The following YTHDF2 variants were observed in gnomAD, a reference collection of about 807,000 sequenced individuals.
The protein encoded by YTHDF2 is YTH N6-methyladenosine RNA binding protein F2.
In YTHDF2, 2 loss-of-function variants were observed where a neutral mutation model predicts 50.4. The observed-to-expected ratio is 0.04, with a 90% CI of 0.02 to 0.12. YTHDF2 has a LOEUF of 0.12. Ranked by LOEUF, YTHDF2 falls within the 10% of genes least tolerant of loss-of-function variation. The pLI, the probability that YTHDF2 is intolerant of heterozygous loss-of-function variation, is 1.00. For synonymous variants in YTHDF2, 217 were observed against 255.6 expected (o/e 0.85, Z 1.44); for missense variants, 483 against 722.6 (o/e 0.67, Z 3.80).
intron 4 of YTHDF2, among the ~76,000 whole-genome samples, chr1:28,755,075 A>G (rs2088017101): frequency 6.6e-6 from 1 of 152,072 alleles, no homozygotes; most frequent in Admixed American, 6.6e-5. Context: ...GGACAGTGGG[A>G]ACGGGAAACT....
chr1:28,759,110 G>A (rs1298645956), intron 4 of YTHDF2, among the ~76,000 whole-genome samples: 1 of 152,178 alleles, frequency 6.6e-6, no homozygotes, highest in East Asian at 1.9e-4. Flanking sequence ...CTTACCTACT[G>A]AATGAGCATC....
In YTHDF2 at chr1:28,736,982, T is replaced by A; in HGVS notation, c.-139T>A. On this transcript the variant is annotated 5_prime_UTR_variant, in exon 1 of 5. Transcript: ENST00000373812. ...GAGCCGGAGCCTGAGCCGCGCGCTG[T>A]GTCTCCGCTGCGTCCGCCGAGGCCC... 1 of 1,071,908 alleles carries A rather than the reference T, an allele frequency of 9.3e-7. No homozygotes were observed. The highest frequency in any genetic ancestry group is 1.5e-5 in the South Asian group (1 of 67,554). 66.4% of individuals were successfully genotyped at this position (1,071,908 alleles called of 1,614,324 possible).
chr1:28,738,179 C>A, intron 2 of YTHDF2, 80 bp from the exon 3 acceptor site: 1 of 1,141,506 alleles, frequency 8.8e-7, no homozygotes, highest in Non-Finnish European at 1.3e-6. Flanking sequence ...TAAGGTTTTT[C>A]TCTGGTTAGC....
At chr1:28,764,614 G>A (rs2088189900) in intron 4 of YTHDF2, among the ~76,000 whole-genome samples, 1 of 151,704 alleles carries the variant, frequency 6.6e-6, no homozygotes, top group Non-Finnish European at 1.5e-5. Flanking sequence ...TTGCCATGTT[G>A]GCCATGCTGG....
intron 3 of YTHDF2, among the ~76,000 whole-genome samples, chr1:28,741,140 G>A (rs532876228): frequency 2.0e-5 from 3 of 151,718 alleles, no homozygotes; most frequent in Admixed American, 6.6e-5. Flanking sequence ...TGGGATTACA[G>A]GCAGGTGCCA....
At chr1:28,756,233 T>C (rs1036105818) in intron 4 of YTHDF2, among the ~76,000 whole-genome samples, 3 of 152,070 alleles carry the variant, frequency 2.0e-5, no homozygotes, top group African/African-American at 7.2e-5. Flanking sequence ...AAATACAGAG[T>C]TGAATATGAA....
In YTHDF2 at chr1:28,743,368, G is replaced by A; in HGVS notation, c.1098G>A (p.Val366=). 6.2e-7 allele frequency: 1 copy of A among 1,614,182 alleles called. No homozygotes were observed. The highest frequency in any genetic ancestry group is 8.5e-7 in the Non-Finnish European group (1 of 1,180,042). ...NRGSGFGHNG[V]DGNGVGQSQA... is the part of the protein sequence containing the mutation. ...GCAGTGGGTTCGGTCATAATGGGGT[G>A]GATGGTAATGGAGTAGGACAGTCTC... The change falls in exon 4 of 5, where the codon GTG becomes GTA. Residue 366 remains valine, a synonymous_variant. Transcript: ENST00000373812. The surrounding 1 kb of genome is among the most constrained non-coding windows in gnomAD (Gnocchi z 6.9).
At position 28,737,976 on chromosome 1, in the gene YTHDF2, C is replaced by T. The variant is rs117649978; in HGVS notation, c.53-283C>T. On this transcript the variant is annotated intron_variant, in intron 2 of 4. Transcript: ENST00000373812. Reference sequence around the variant, plus strand: ...TTGTTTTTCATCCTCGTGGATCACTCTCTGGAAGTACTCTCATGTGATGGG... The same window carrying T: ...TTGTTTTTCATCCTCGTGGATCACTTTCTGGAAGTACTCTCATGTGATGGG... 3.4e-5 allele frequency: 20 copies of T among 580,640 alleles called. No homozygotes were observed. In the East Asian group the frequency reaches 5.7e-4, roughly 17 times the overall value. 36.0% of individuals were successfully genotyped at this position (580,640 alleles called of 1,614,324 possible). A position where few individuals can be genotyped will look rare whatever the true frequency, so the allele number is the denominator to read the frequency against.
intron 3 of YTHDF2, among the ~76,000 whole-genome samples, chr1:28,742,101 G>A (rs2087785455): frequency 6.7e-6 from 1 of 148,322 alleles, no homozygotes; most frequent in Non-Finnish European, 1.5e-5. Flanking sequence ...ACAGGCTGGA[G>A]TGCAGTGGTG....
chr1:28,749,832 A>G (rs1357956862), intron 4 of YTHDF2, among the ~76,000 whole-genome samples: 1 of 151,976 alleles, frequency 6.6e-6, no homozygotes, highest in African/African-American at 2.4e-5. Flanking sequence ...GAGAGTGAGG[A>G]GAGAGTTGAG....
chr1:28,744,490 C>T (rs1023703376), intron 4 of YTHDF2, among the ~76,000 whole-genome samples: 3 of 152,134 alleles, frequency 2.0e-5, no homozygotes, highest in Non-Finnish European at 4.4e-5. Flanking sequence ...AAAAGAGTCA[C>T]TTCTGATTTC....
intron 3 of YTHDF2, among the ~76,000 whole-genome samples, chr1:28,739,659 C>T (rs1452537359): frequency 1.3e-5 from 2 of 152,142 alleles, no homozygotes; most frequent in Non-Finnish European, 2.9e-5. Context: ...CTTTATTTCT[C>T]ACCGAAGGGA....
chr1:28,742,496 T>C lies in YTHDF2; in HGVS notation c.226T>C (p.Ser76Pro). 6.2e-7 allele frequency: 1 copy of C among 1,614,048 alleles called. No homozygotes were observed. The highest frequency in any genetic ancestry group is 8.5e-7 in the Non-Finnish European group (1 of 1,180,004). Residue 76 changes from serine to proline, a missense_variant, in exon 4 of 5, where the codon TCT becomes CCT. Around this residue, in one of 4 missense-constraint regions of YTHDF2, gnomAD observed 385 missense variants for 475.8 expected, o/e 0.81. Coordinates refer to ENST00000373812, the MANE Select transcript of YTHDF2 (RefSeq NM_016258.3). ...CTATTCTTTGGGTGAAGCTGCTTGG[T>C]CTACGGGGGGTGACACAGCCATGCC... is the stretch of plus-strand genomic sequence containing the variant. ...FSYSLGEAAW[S>P]TGGDTAMPYL...
At chr1:28,760,507 G>T (rs1380065747) in intron 4 of YTHDF2, among the ~76,000 whole-genome samples, 1 of 151,974 alleles carries the variant, frequency 6.6e-6, no homozygotes, top group African/African-American at 2.4e-5. Context: ...TGTTAGCCAG[G>T]ATGGTCTGAA....
rs548715202 is a variant in YTHDF2 at position 28,764,612 on chromosome 1, T to C, written c.1717-4317T>C. On this transcript the variant is annotated intron_variant, in intron 4 of 4. Transcript: ENST00000373812. ...TTAGTAGAGATGGGGTTTTGCCATG[T>C]TGGCCATGCTGGTCTTGAACTCCTG... 2.6e-5 allele frequency among the ~76,000 whole-genome samples: 4 copies of C among 152,098 alleles called. No individual in the cohort carries two copies. In the East Asian group the frequency reaches 7.8e-4, roughly 30 times the overall value.
At chr1:28,762,308 C>T (rs1011429459) in intron 4 of YTHDF2, among the ~76,000 whole-genome samples, 1 of 152,126 alleles carries the variant, frequency 6.6e-6, no homozygotes, top group Non-Finnish European at 1.5e-5. Context: ...AGGAGAATGG[C>T]ATGAACCCGG....
chr1:28,744,304 TA>T (rs1400714561), intron 4 of YTHDF2, among the ~76,000 whole-genome samples: 4 of 152,200 alleles, frequency 2.6e-5, no homozygotes, highest in African/African-American at 9.7e-5. Flanking sequence ...ATGGAAGTGA[TA>T]AAACCATAGA....
chr1:28,737,680 A>G lies in YTHDF2; in HGVS notation c.50A>G (p.Lys17Arg). The G allele has an allele frequency of 6.2e-7, 1 of 1,613,732 alleles. No homozygotes were observed. ...LEQRPKGQGN[K>R]VQNGSVHQKD... is the part of the protein sequence containing the mutation. ...CAGAGACCAAAAGGTCAAGGAAACAAAGGTAAGTCCCGCTCCGCCGGTGGC... is the reference window on the plus strand; with the variant it reads ...CAGAGACCAAAAGGTCAAGGAAACAGAGGTAAGTCCCGCTCCGCCGGTGGC... Residue 17 changes from lysine to arginine, a missense_variant and splice_region_variant, in exon 2 of 5, where the codon AAA becomes AGA. By Grantham distance (26) the Lys-to-Arg change is conservative. Around this residue, in one of 4 missense-constraint regions of YTHDF2, gnomAD observed 385 missense variants for 475.8 expected, o/e 0.81. Transcript: ENST00000373812.
At chr1:28,754,479 G>C (rs1179515605) in intron 4 of YTHDF2, among the ~76,000 whole-genome samples, 1 of 152,078 alleles carries the variant, frequency 6.6e-6, no homozygotes, top group Non-Finnish European at 1.5e-5. Context: ...GCAGTGAGCT[G>C]AGATAGCGCT....
Sources: gnomAD v4.1 joint callset for allele counts (sites outside exome capture counted in the v4.1 genomes callset) on GRCh38, gnomAD v4.1.1 for gene constraint, gnomAD v4.1.1 regional missense constraint, Gnocchi (gnomAD v3.1) non-coding constraint, MANE v1.5 for transcripts, NCBI Gene and HGNC (gene_info 2026-07-23, HGNC 2026-07-21) for gene names.